NSDHL: variants seen among roughly 807,000 people sequenced by gnomAD.
The protein encoded by NSDHL is sterol-4-alpha-carboxylate 3-dehydrogenase, decarboxylating.
A neutral mutation model predicts 23.0 loss-of-function variants in NSDHL; 1 was observed. That is an observed-to-expected ratio of 0.04 (90% CI 0.02 to 0.21). The LOEUF (loss-of-function observed/expected upper bound fraction) is 0.21. Ranked by LOEUF, NSDHL falls within the 10% of genes least tolerant of loss-of-function variation. The pLI is 1.00. For synonymous variants in NSDHL, 128 were observed against 121.1 expected, an observed-to-expected ratio of 1.06 and a Z score of -0.37; for missense variants, 237 against 300.9, an observed-to-expected ratio of 0.79 and a Z score of 1.57.
At chrX:152,834,523 T>A (rs1933061785) in intron 1 of NSDHL, among the ~76,000 whole-genome samples, 1 of 112,982 alleles carries the variant, frequency 8.9e-6, no homozygotes, top group African/African-American at 3.2e-5. Flanking sequence ...TCACTAATCC[T>A]AATCTGGGTA....
At chrX:152,850,500 C>T (rs782585897) in intron 3 of NSDHL, 77 bp downstream of exon 3, 139 of 1,007,327 alleles carry the variant, frequency 1.4e-4, no homozygotes, top group Admixed American at 2.7e-4. Flanking sequence ...GCTCAGAAGC[C>T]AGCCAATTTG....
At chrX:152,844,014 G>A (rs111881681) in intron 1 of NSDHL, among the ~76,000 whole-genome samples, 3,136 of 111,803 alleles carry the variant, frequency 0.028, 102 homozygotes, top group African/African-American at 0.096. Context: ...AGCTTATACC[G>A]CATGGCAGCA....
chrX:152,838,371 G>T (rs781848707), intron 1 of NSDHL, among the ~76,000 whole-genome samples: 4 of 111,532 alleles, frequency 3.6e-5, no homozygotes, highest in African/African-American at 1.3e-4. Context: ...TGTTTCTCTA[G>T]TTCTTTTAAT....
At chrX:152,847,530 C>T (rs1374182945) in intron 2 of NSDHL, among the ~76,000 whole-genome samples, 1 of 111,633 alleles carries the variant, frequency 9.0e-6, no homozygotes, top group African/African-American at 3.3e-5. Flanking sequence ...TTTATGGCTA[C>T]TTGGCAGCCA....
chrX:152,845,505 A>G (rs1933257350), intron 1 of NSDHL, among the ~76,000 whole-genome samples: 1 of 111,504 alleles, frequency 9.0e-6, no homozygotes, highest in African/African-American at 3.3e-5. Context: ...GCAGTTCAGT[A>G]TCATGGGTGA....
chrX:152,846,364 G>T lies in NSDHL; in HGVS notation c.40G>T (p.Ala14Ser), dbSNP rs147318065. ...AVSEPMRDQV[A>S]RTHLTEDTPK... is the part of the protein sequence containing the mutation. ...TAGCGAGCCAATGAGAGACCAAGTC[G>T]CACGGACTCATTTGACAGAGGACAC... The change falls in exon 2 of 8, where the codon GCA becomes TCA. Residue 14 changes from alanine (A) to serine (S), a missense_variant. Around this residue, in one of 3 missense-constraint regions of NSDHL, gnomAD observed 81 missense variants for 103.3 expected, o/e 0.78. Coordinates refer to ENST00000370274, the MANE Select transcript of NSDHL (RefSeq NM_015922.3). 8.3e-7 allele frequency: 1 copy of T among 1,209,339 alleles called. No individual in the cohort carries two copies. The highest frequency in any genetic ancestry group is 1.7e-5 in the African/African-American group (1 of 57,299).
intron 1 of NSDHL, among the ~76,000 whole-genome samples, chrX:152,837,749 A>C (rs1373355277): frequency 1.8e-5 from 2 of 111,838 alleles, no homozygotes; most frequent in Non-Finnish European, 1.9e-5. Context: ...ATATTGGTCT[A>C]AAATTCTCTT....
In NSDHL at chrX:152,867,680, CCTG is replaced by C; in HGVS notation, c.789+12_789+14del. On this transcript the variant is annotated splice_region_variant and intron_variant, in intron 7 of 7. Transcript: ENST00000370274. Reference sequence around the variant, plus strand: ...CTCGACACTGGGTGGGAAGGTAAGGCCTGCTGCACCGGTCCCTGCACAGGTGCC... The same window carrying C: ...CTCGACACTGGGTGGGAAGGTAAGGCCTGCACCGGTCCCTGCACAGGTGCC... The C allele has an allele frequency of 8.7e-7, 1 of 1,144,997 alleles. No homozygotes were observed. Among genetic ancestry groups the C allele is most frequent in the African/African-American group, 1.8e-5 (1 of 56,642 alleles). 94.4% of individuals were successfully genotyped at this position (1,144,997 alleles called of 1,213,427 possible). A position where few individuals can be genotyped will look rare whatever the true frequency, so the allele number is the denominator to read the frequency against.
chrX:152,850,522 A>G (rs1363147227), intron 3 of NSDHL, 99 bp downstream of exon 3: 9 of 858,195 alleles, frequency 1.0e-5, no homozygotes, highest in Non-Finnish European at 1.4e-5. Flanking sequence ...TTGAAAAACA[A>G]TTGTTTCATT....
intron 1 of NSDHL, among the ~76,000 whole-genome samples, chrX:152,836,048 G>A (rs1933091156): frequency 8.9e-6 from 1 of 112,350 alleles, no homozygotes; most frequent in Admixed American, 9.4e-5. Flanking sequence ...TTCTCTGATG[G>A]CCAGTGATGA....
chrX:152,854,196 T>A (rs1329540065), intron 3 of NSDHL, among the ~76,000 whole-genome samples: 1 of 111,201 alleles, frequency 9.0e-6, no homozygotes, highest in Non-Finnish European at 1.9e-5. Context: ...TGCCATGTTG[T>A]TCTCCAGCCA....
chrX:152,863,191 A>C (rs1213344823), intron 5 of NSDHL, among the ~76,000 whole-genome samples: 1 of 111,565 alleles, frequency 9.0e-6, no homozygotes, highest in Non-Finnish European at 1.9e-5. Context: ...TTACTATGAG[A>C]ACAGCTTTAT....
At chrX:152,839,190 G>A (rs1341685758) in intron 1 of NSDHL, among the ~76,000 whole-genome samples, 1 of 111,617 alleles carries the variant, frequency 9.0e-6, no homozygotes. Flanking sequence ...GCCTATGTAC[G>A]TCACTGCACG....
At chrX:152,866,665 G>A (rs145967378) in intron 6 of NSDHL, among the ~76,000 whole-genome samples, 1 of 112,455 alleles carries the variant, frequency 8.9e-6, no homozygotes, top group African/African-American at 3.2e-5. Context: ...CTGCCTCTGC[G>A]TCCCTTTCAC....
At chrX:152,837,709 T>G (rs782484595) in intron 1 of NSDHL, among the ~76,000 whole-genome samples, 3 of 112,339 alleles carry the variant, frequency 2.7e-5, no homozygotes, top group Non-Finnish European at 5.6e-5. Flanking sequence ...AGTATTTTAT[T>G]GAGGATTTTT....
intron 3 of NSDHL, among the ~76,000 whole-genome samples, chrX:152,854,756 A>T (rs1556846756): frequency 9.1e-6 from 1 of 109,522 alleles, no homozygotes; most frequent in Non-Finnish European, 1.9e-5. Context: ...GGTGGTATGC[A>T]CTTGTAGTCC....
At chrX:152,851,881 G>T (rs1240007114) in intron 3 of NSDHL, among the ~76,000 whole-genome samples, 1 of 110,666 alleles carries the variant, frequency 9.0e-6, no homozygotes, top group East Asian at 2.8e-4. Context: ...TCTCATCCTT[G>T]GCCTCCTCTC....
intron 2 of NSDHL, among the ~76,000 whole-genome samples, chrX:152,847,972 C>G (rs1556845819): frequency 2.7e-5 from 3 of 109,597 alleles, no homozygotes; most frequent in Admixed American, 2.0e-4. Context: ...AAGCAATTCT[C>G]CCTCCTCAGC....
At chrX:152,845,697 G>A (rs781919418) in intron 1 of NSDHL, among the ~76,000 whole-genome samples, 59 of 111,407 alleles carry the variant, frequency 5.3e-4, no homozygotes, top group Non-Finnish European at 7.9e-4. Context: ...TCGTCAGGGC[G>A]GCTTTAACTT....
Sources: gnomAD v4.1 joint callset for allele counts (sites outside exome capture counted in the v4.1 genomes callset) on GRCh38, gnomAD v4.1.1 for gene constraint, gnomAD v4.1.1 regional missense constraint, MANE v1.5 for transcripts, NCBI Gene and HGNC (gene_info 2026-07-23, HGNC 2026-07-21) for gene names.